The following GALNT18 variants were observed in gnomAD, a reference collection of about 807,000 sequenced individuals.
The protein encoded by GALNT18 is polypeptide N-acetylgalactosaminyltransferase 18.
Under a neutral mutation model 69.5 loss-of-function variants are expected in GALNT18, and 44 were observed. That is an observed-to-expected ratio of 0.63 (90% CI 0.50 to 0.81). The LOEUF (loss-of-function observed/expected upper bound fraction) is 0.81. Among genes scored for constraint, GALNT18 ranks in the 40% least tolerant of loss-of-function variants. GALNT18 has a pLI of 0.00. For synonymous variants in GALNT18, 364 were observed against 318.2 expected, an observed-to-expected ratio of 1.14 and a Z score of -1.53; for missense variants, 715 against 810.0, an observed-to-expected ratio of 0.88 and a Z score of 1.42.
In GALNT18 at chr11:11,596,951, T is replaced by C. The variant is rs78546439; in HGVS notation, c.235+24408A>G. On this transcript the variant is annotated intron_variant, in intron 1 of 10. Transcript: ENST00000227756. This position sits in a 1 kb window ranked among gnomAD's most constrained non-coding sequence, Gnocchi z 4.2. ...TAGTTGTGGGATTTTTTGTAGATGT[T>C]CTTCATCAGGTTGTTGAAATTATCT... 0.035 allele frequency among the ~76,000 whole-genome samples: 5,385 copies of C among 152,246 alleles called. 292 individuals are homozygous for C. The highest frequency in any genetic ancestry group is 0.11 in the African/African-American group (4,746 of 41,538).
At chr11:11,515,803 G>T (rs1857261871) in intron 1 of GALNT18, among the ~76,000 whole-genome samples, 1 of 152,206 alleles carries the variant, frequency 6.6e-6, no homozygotes. Flanking sequence ...AGAGCCCCTC[G>T]TGGGAGCAGA....
rs79226586 is a variant in GALNT18, at chr11:11,541,068, A to G, written c.235+80291T>C. On this transcript the variant is annotated intron_variant, in intron 1 of 10. Coordinates refer to ENST00000227756, the MANE Select transcript of GALNT18 (RefSeq NM_198516.3). The surrounding 1 kb of genome is among the most constrained non-coding windows in gnomAD (Gnocchi z 4.8). Reference sequence around the variant, plus strand: ...CTGTTAAAACAGGGGCAAACAATACACTTCCCTGCATGTCCCACATCCACT... The same window carrying G: ...CTGTTAAAACAGGGGCAAACAATACGCTTCCCTGCATGTCCCACATCCACT... Among the ~76,000 whole-genome samples the G allele has an allele frequency of 1.3e-5, 2 of 152,166 alleles. No individual in the cohort carries two copies. The highest frequency in any genetic ancestry group is 4.8e-5 in the African/African-American group (2 of 41,524).
chr11:11,383,525 C>T lies in GALNT18; in HGVS notation c.596-4261G>A, dbSNP rs377280460. 2.6e-4 allele frequency among the ~76,000 whole-genome samples: 40 copies of T among 152,172 alleles called. No homozygotes were observed. Among genetic ancestry groups the T allele is most frequent in the East Asian group, 7.7e-4 (4 of 5,184 alleles). ...TTCCTATAGGCTTGCTGTGGAGAAC[C>T]GGGCAGAGTCCTCACCTCTCCCTCA... On this transcript the variant is annotated intron_variant, in intron 3 of 10. Coordinates refer to ENST00000227756, the MANE Select transcript of GALNT18 (RefSeq NM_198516.3). This position sits in a 1 kb window ranked among gnomAD's most constrained non-coding sequence, Gnocchi z 5.2.
intron 9 of GALNT18, among the ~76,000 whole-genome samples, chr11:11,322,046 G>A (rs1210704776): frequency 6.6e-6 from 1 of 152,104 alleles, no homozygotes; most frequent in African/African-American, 2.4e-5. Flanking sequence ...GAGTAATAAT[G>A]GTAACACCAT....
In GALNT18 at chr11:11,605,615, G is replaced by A. The variant is rs1859734945; in HGVS notation, c.235+15744C>T. On this transcript the variant is annotated intron_variant, in intron 1 of 10. Coordinates refer to ENST00000227756, the MANE Select transcript of GALNT18 (RefSeq NM_198516.3). This position sits in a 1 kb window ranked among gnomAD's most constrained non-coding sequence, Gnocchi z 4.7. ...TTTCCTTTCTTGAAAATGAAGCTATGCTTTCTCCTTTCTAGTGACTCTTCA... is the reference window on the plus strand; with the variant it reads ...TTTCCTTTCTTGAAAATGAAGCTATACTTTCTCCTTTCTAGTGACTCTTCA... Among the ~76,000 whole-genome samples the A allele has an allele frequency of 1.3e-5, 2 of 152,154 alleles. No homozygotes were observed. Among genetic ancestry groups the A allele is most frequent in the Non-Finnish European group, 2.9e-5 (2 of 68,020 alleles).
chr11:11,330,574 T>C (rs6484814), intron 8 of GALNT18, among the ~76,000 whole-genome samples: 63,409 of 152,044 alleles, frequency 0.42, 13,488 homozygotes, highest in Admixed American at 0.52. Context: ...CTCTGCCAGC[T>C]GCAGGGATGG....
chr11:11,323,971 G>A (rs1849877045), intron 9 of GALNT18, among the ~76,000 whole-genome samples: 1 of 152,122 alleles, frequency 6.6e-6, no homozygotes, highest in Non-Finnish European at 1.5e-5. Context: ...GTTAAGTGAG[G>A]TCACAGGGAT....
rs925539726 is a variant in GALNT18, at chr11:11,444,583, G to C, written c.428+4161C>G. The stretch of plus-strand genomic sequence containing the variant: ...TAGTTGTGTCCTGTCTTGTCTATAA[G>C]GCACTGGCACAGCATGGTCCTATCT... On this transcript the variant is annotated intron_variant, in intron 2 of 10. Coordinates refer to ENST00000227756, the MANE Select transcript of GALNT18 (RefSeq NM_198516.3). This position sits in a 1 kb window ranked among gnomAD's most constrained non-coding sequence, Gnocchi z 4.4. Among the ~76,000 whole-genome samples the C allele has an allele frequency of 1.3e-5, 2 of 152,114 alleles. No homozygotes were observed. The highest frequency in any genetic ancestry group is 4.8e-5 in the African/African-American group (2 of 41,422).
chr11:11,297,158 A>C (rs1481941106), intron 9 of GALNT18, among the ~76,000 whole-genome samples: 1 of 152,072 alleles, frequency 6.6e-6, no homozygotes, highest in Non-Finnish European at 1.5e-5. Context: ...ATCCCACTCA[A>C]CATCCTAAGT....
chr11:11,610,419 G>A (rs573327435), intron 1 of GALNT18, among the ~76,000 whole-genome samples: 3 of 152,200 alleles, frequency 2.0e-5, no homozygotes, highest in African/African-American at 7.2e-5. Flanking sequence ...ATGCGGTTAA[G>A]GTGAGGTGAC....
In GALNT18 at chr11:11,586,611, A is replaced by T. The variant is rs1248313293; in HGVS notation, c.235+34748T>A. ...GTAGTCAGGACATAGTTGATCTTTTAAAAAAAATAAAACGTTTCAGCATTT... is the reference window on the plus strand; with the variant it reads ...GTAGTCAGGACATAGTTGATCTTTTTAAAAAAATAAAACGTTTCAGCATTT... On this transcript the variant is annotated intron_variant, in intron 1 of 10. Coordinates refer to ENST00000227756, the MANE Select transcript of GALNT18 (RefSeq NM_198516.3). This position sits in a 1 kb window ranked among gnomAD's most constrained non-coding sequence, Gnocchi z 4.1. Among the ~76,000 whole-genome samples the T allele has an allele frequency of 3.3e-5, 5 of 151,996 alleles. No individual in the cohort carries two copies. The highest frequency in any genetic ancestry group is 4.4e-5 in the Non-Finnish European group (3 of 67,990).
In GALNT18 at chr11:11,531,435, A is replaced by G. The variant is rs117562700; in HGVS notation, c.236-82499T>C. Among the ~76,000 whole-genome samples, 578 of 152,290 alleles carry G rather than the reference A, an allele frequency of 3.8e-3. 9 individuals are homozygous for G. In the East Asian group the frequency reaches 0.039, roughly 10 times the overall value. ...GACAATCTGTGCTTGCGTGTACATAAGTGTATGCGAGTGCATACGCATCGG... is the reference window on the plus strand; with the variant it reads ...GACAATCTGTGCTTGCGTGTACATAGGTGTATGCGAGTGCATACGCATCGG... On this transcript the variant is annotated intron_variant, in intron 1 of 10. Transcript: ENST00000227756.
In GALNT18 at chr11:11,356,999, T is replaced by C. The variant is rs1850542864; in HGVS notation, c.1092+15516A>G. ...TGGTGTGCTAGGGGATAACACGCAA[T>C]AGCCACGGAGCTTCCTGCTCCATGT... On this transcript the variant is annotated intron_variant, in intron 6 of 10. Coordinates refer to ENST00000227756, the MANE Select transcript of GALNT18 (RefSeq NM_198516.3). The surrounding 1 kb of genome is among the most constrained non-coding windows in gnomAD (Gnocchi z 4.4). Among the ~76,000 whole-genome samples the C allele has an allele frequency of 6.6e-6, 1 of 152,092 alleles. No homozygotes were observed. The highest frequency in any genetic ancestry group is 1.5e-5 in the Non-Finnish European group (1 of 68,010).
rs1261123137 is a variant in GALNT18 at position 11,341,781 on chromosome 11, C to T, written c.1093-777G>A. 6.6e-6 allele frequency among the ~76,000 whole-genome samples: 1 copy of T among 151,912 alleles called. No homozygotes were observed. The highest frequency in any genetic ancestry group is 1.5e-5 in the Non-Finnish European group (1 of 67,992). ...CCATTCTGCTGGTAATTTTAGAATG[C>T]CCCACTGCCCCCAACTCCTTCTTCA... On this transcript the variant is annotated intron_variant, in intron 6 of 10. Transcript: ENST00000227756. The surrounding 1 kb of genome is among the most constrained non-coding windows in gnomAD (Gnocchi z 6.3).
intron 9 of GALNT18, among the ~76,000 whole-genome samples, chr11:11,295,293 G>A (rs936337785): frequency 3.3e-5 from 5 of 152,144 alleles, no homozygotes; most frequent in Non-Finnish European, 5.9e-5. Context: ...GGGGAGACCC[G>A]AGGAGTATGT....
At chr11:11,335,707 A>G (rs1490636768) in intron 7 of GALNT18, among the ~76,000 whole-genome samples, 2 of 152,192 alleles carry the variant, frequency 1.3e-5, no homozygotes, top group East Asian at 3.8e-4. Context: ...AAAATGACTG[A>G]TATCTTTATA....
At chr11:11,369,238 A>C (rs1287498788) in intron 6 of GALNT18, among the ~76,000 whole-genome samples, 1 of 152,164 alleles carries the variant, frequency 6.6e-6, no homozygotes, top group African/African-American at 2.4e-5. Context: ...AAACAGCATA[A>C]ATTTATTCTC....
rs1409221412 is a variant in GALNT18, at chr11:11,587,376, G to A, written c.235+33983C>T. ...CCCATGTCAGTACGCCACGTATGCT[G>A]ACCCCATCAGCAAAGCAGGCTTCCC... On this transcript the variant is annotated intron_variant, in intron 1 of 10. Transcript: ENST00000227756. The surrounding 1 kb of genome is among the most constrained non-coding windows in gnomAD (Gnocchi z 4.4). Among the ~76,000 whole-genome samples, 1 of 152,174 alleles carries A rather than the reference G, an allele frequency of 6.6e-6. No individual in the cohort carries two copies. The highest frequency in any genetic ancestry group is 1.5e-5 in the Non-Finnish European group (1 of 68,028).
rs76392195 is a variant in GALNT18, at chr11:11,403,432, C to G, written c.596-24168G>C. Among the ~76,000 whole-genome samples, 939 of 152,350 alleles carry G rather than the reference C, an allele frequency of 6.2e-3. 9 individuals carry two copies. The highest frequency in any genetic ancestry group is 0.022 in the African/African-American group (901 of 41,576). ...TTCCAAGTGTTTGCCCAGGGGAACT[C>G]TGCTACCAGCCAGTCCTGATTTGGG... is the stretch of plus-strand genomic sequence containing the variant. On this transcript the variant is annotated intron_variant, in intron 3 of 10. Coordinates refer to ENST00000227756, the MANE Select transcript of GALNT18 (RefSeq NM_198516.3).
Sources: allele counts gnomAD v4.1 joint callset (sites outside exome capture counted in the v4.1 genomes callset), GRCh38; gene constraint gnomAD v4.1.1; non-coding constraint Gnocchi (gnomAD v3.1); transcripts MANE v1.5; gene names NCBI Gene and HGNC (gene_info 2026-07-23, HGNC 2026-07-21).